RAP1A: variants seen among roughly 807,000 people sequenced by gnomAD.
The protein encoded by RAP1A is RAP1A, member of RAS oncogene family.
In RAP1A, 6 loss-of-function variants were observed where a neutral mutation model predicts 26.4. That is an observed-to-expected ratio of 0.23 (90% CI 0.12 to 0.45). RAP1A has a LOEUF of 0.45. RAP1A is among the 20% of genes least tolerant of loss of function. RAP1A has a pLI of 0.99. For synonymous variants in RAP1A, 73 were observed against 79.4 expected (o/e 0.92, Z 0.43); for missense variants, 121 against 217.2 (o/e 0.56, Z 2.78).
At chr1:111,549,598 C>T (rs1288673763) in intron 1 of RAP1A, among the ~76,000 whole-genome samples, 4 of 149,680 alleles carry the variant, frequency 2.7e-5, no homozygotes, top group South Asian at 2.1e-4. Context: ...TGTGGTGAGC[C>T]GATATCATGC....
At chr1:111,627,670 A>G (rs1659441119) in intron 1 of RAP1A, 1 of 152,110 alleles carries the variant, frequency 6.6e-6, no homozygotes, top group Non-Finnish European at 1.5e-5. Context: ...ATCATAGTGT[A>G]TGAAAGAAAT....
chr1:111,579,057 CGT>C (rs1658199779), intron 1 of RAP1A, among the ~76,000 whole-genome samples: 1 of 152,180 alleles, frequency 6.6e-6, no homozygotes, highest in Non-Finnish European at 1.5e-5. Flanking sequence ...GCTTCCACGC[CGT>C]GTCTAGGTGA....
chr1:111,656,190 A>G (rs1253562098), intron 1 of RAP1A, among the ~76,000 whole-genome samples: 1 of 150,708 alleles, frequency 6.6e-6, no homozygotes, highest in African/African-American at 2.4e-5. Context: ...GTTATGAAAA[A>G]CTTCAGTGAC....
chr1:111,561,588 A>AG (rs1360186587), intron 1 of RAP1A, among the ~76,000 whole-genome samples: 1 of 152,226 alleles, frequency 6.6e-6, no homozygotes, highest in African/African-American at 2.4e-5. Flanking sequence ...CCACATGGTC[A>AG]GGTCAAACAC....
chr1:111,594,467 T>C (rs1438044354), intron 1 of RAP1A, among the ~76,000 whole-genome samples: 1 of 131,510 alleles, frequency 7.6e-6, no homozygotes, highest in Non-Finnish European at 1.6e-5. Flanking sequence ...GCAAGAGAGA[T>C]AGACAAAAAA....
At chr1:111,581,350 C>T (rs1205188772) in intron 1 of RAP1A, among the ~76,000 whole-genome samples, 1 of 152,080 alleles carries the variant, frequency 6.6e-6, no homozygotes, top group Non-Finnish European at 1.5e-5. Flanking sequence ...TTTTCTCAAC[C>T]GGGGACATTC....
At chr1:111,617,578 G>A (rs1028504006), upstream of RAP1A, among the ~76,000 whole-genome samples, 4 of 151,904 alleles carry the variant, frequency 2.6e-5, no homozygotes, top group Non-Finnish European at 2.9e-5. Flanking sequence ...GACTACAGGC[G>A]CCTGCCACCA....
chr1:111,615,702 G>A (rs1384075476), upstream of RAP1A, among the ~76,000 whole-genome samples: 1 of 151,950 alleles, frequency 6.6e-6, no homozygotes, highest in Non-Finnish European at 1.5e-5. Flanking sequence ...GTGGTGGCCT[G>A]TGCCTGTAGT....
At chr1:111,647,548 G>A (rs757364542) in intron 1 of RAP1A, among the ~76,000 whole-genome samples, 1 of 152,084 alleles carries the variant, frequency 6.6e-6, no homozygotes, top group African/African-American at 2.4e-5. Flanking sequence ...GTAGATAAAC[G>A]TAACAGATAT....
At chr1:111,563,595 G>T (rs1253462620) in intron 1 of RAP1A, among the ~76,000 whole-genome samples, 1 of 152,098 alleles carries the variant, frequency 6.6e-6, no homozygotes, top group African/African-American at 2.4e-5. Flanking sequence ...GAATTCATGG[G>T]AAAATGCCTC....
chr1:111,574,256 C>G (rs1000535095), intron 1 of RAP1A, among the ~76,000 whole-genome samples: 2 of 152,168 alleles, frequency 1.3e-5, no homozygotes, highest in Non-Finnish European at 2.9e-5. Context: ...TGTCGAAGAT[C>G]AGATGGCTGT....
chr1:111,648,823 C>T, intron 1 of RAP1A: 1 of 692,522 alleles, frequency 1.4e-6, no homozygotes, highest in Non-Finnish European at 2.7e-6. Context: ...TTGTATTGGG[C>T]CGAGATGTCT....
intron 1 of RAP1A, among the ~76,000 whole-genome samples, chr1:111,570,721 C>A (rs1318428223): frequency 2.0e-5 from 3 of 152,116 alleles, no homozygotes; most frequent in Non-Finnish European, 4.4e-5. Context: ...GGGAAGCAAA[C>A]ATGTATGAAG....
intron 1 of RAP1A, among the ~76,000 whole-genome samples, chr1:111,655,400 T>G (rs977070557): frequency 6.6e-6 from 1 of 151,946 alleles, no homozygotes; most frequent in Non-Finnish European, 1.5e-5. Flanking sequence ...AGGAACAAAC[T>G]TTTTTTAAAG....
chr1:111,569,410 A>T (rs1312372680), intron 1 of RAP1A, among the ~76,000 whole-genome samples: 1 of 135,134 alleles, frequency 7.4e-6, no homozygotes, highest in Non-Finnish European at 1.6e-5. Flanking sequence ...AAAAAAAAAA[A>T]GTTACACTTG....
intron 1 of RAP1A, among the ~76,000 whole-genome samples, chr1:111,662,507 A>G (rs1002888822): frequency 6.6e-6 from 1 of 152,160 alleles, no homozygotes; most frequent in Non-Finnish European, 1.5e-5. Flanking sequence ...CACAAAATTA[A>G]TAGCTCTGGG....
chr1:111,694,630 G>C (rs1661773258), intron 2 of RAP1A, among the ~76,000 whole-genome samples: 1 of 152,164 alleles, frequency 6.6e-6, no homozygotes, highest in South Asian at 2.1e-4. Context: ...AAAAAGTAAG[G>C]CTTTGGAATC....
chr1:111,703,161 T>C (rs1662075222), intron 4 of RAP1A, among the ~76,000 whole-genome samples, 175 bp from the exon 5 acceptor site: 1 of 152,238 alleles, frequency 6.6e-6, no homozygotes, highest in Non-Finnish European at 1.5e-5. Context: ...AATTCTAGTT[T>C]ACTGTCATTG....
intron 1 of RAP1A, among the ~76,000 whole-genome samples, chr1:111,620,495 C>G (rs1203771331): frequency 6.6e-6 from 1 of 152,216 alleles, no homozygotes; most frequent in South Asian, 2.1e-4. Flanking sequence ...ATTCTCTGTC[C>G]TCTGCTGTAG....
Sources: allele counts gnomAD v4.1 joint callset (sites outside exome capture counted in the v4.1 genomes callset), GRCh38; gene constraint gnomAD v4.1.1; transcripts MANE v1.5; gene names NCBI Gene and HGNC (gene_info 2026-07-23, HGNC 2026-07-21).